RIMS1: variants seen among roughly 807,000 people sequenced by gnomAD.
The protein encoded by RIMS1 is regulating synaptic membrane exocytosis protein 1.
RIMS1 carries 83 observed loss-of-function variants against 214.1 expected under a neutral mutation model. That is an observed-to-expected ratio of 0.39 (90% CI 0.32 to 0.47). The LOEUF is 0.47. Among genes scored for constraint, RIMS1 ranks in the 20% least tolerant of loss-of-function variants. The pLI, the probability that RIMS1 is intolerant of heterozygous loss-of-function variation, is 0.99. For synonymous variants in RIMS1, 793 were observed against 786.8 expected (o/e 1.01, Z -0.13); for missense variants, 2,050 against 2,161.8 (o/e 0.95, Z 1.03).
At position 72,386,820 on chromosome 6, in the gene RIMS1, G is replaced by T. The variant is rs536166808; in HGVS notation, c.4367-3778G>T. 2.2e-4 allele frequency among the ~76,000 whole-genome samples: 31 copies of T among 140,020 alleles called. No individual in the cohort carries two copies. The Admixed American group carries it at 2.3e-3, about 10-fold the overall frequency. The allele number at this position is 140,020 out of a possible 152,430, so 91.9% of individuals were successfully genotyped here. A position where few individuals can be genotyped will look rare whatever the true frequency, so the allele number is the denominator to read the frequency against. ...CCAATCTCTGCTCACTGCAAGCTCC[G>T]CCTTCCAGCTTCACGCCATTCTCCT... On this transcript the variant is annotated intron_variant, in intron 29 of 33. Coordinates refer to ENST00000521978, the MANE Select transcript of RIMS1 (RefSeq NM_014989.7).
At chr6:71,919,658 A>G (rs1457689284) in intron 1 of RIMS1, among the ~76,000 whole-genome samples, 2 of 152,114 alleles carry the variant, frequency 1.3e-5, no homozygotes, top group Non-Finnish European at 2.9e-5. Flanking sequence ...TTCATAGCCT[A>G]TTTACATTAT....
chr6:71,939,043 T>G (rs984782913), intron 1 of RIMS1, among the ~76,000 whole-genome samples: 3 of 152,208 alleles, frequency 2.0e-5, no homozygotes, highest in Non-Finnish European at 4.4e-5. Context: ...TGTTTTGCTG[T>G]TTAGGTATTT....
intron 2 of RIMS1, among the ~76,000 whole-genome samples, chr6:71,980,466 T>G (rs575785199): frequency 1.3e-5 from 2 of 152,202 alleles, no homozygotes; most frequent in South Asian, 4.1e-4. Context: ...GAATATATAG[T>G]CTGATTTGAA....
intron 29 of RIMS1, among the ~76,000 whole-genome samples, chr6:72,374,114 C>G (rs1262412412): frequency 6.6e-6 from 1 of 152,036 alleles, no homozygotes; most frequent in Non-Finnish European, 1.5e-5. Flanking sequence ...GGGGTTTCAG[C>G]GTGTTGGCCA....
intron 6 of RIMS1, among the ~76,000 whole-genome samples, chr6:72,211,345 A>G (rs577927353): frequency 5.8e-4 from 88 of 152,314 alleles, no homozygotes; most frequent in Middle Eastern, 3.4e-3. Flanking sequence ...CCCATAAAGA[A>G]TGAGATGCTA....
At chr6:72,258,344 T>C in intron 17 of RIMS1, 63 bp downstream of exon 17, 6 of 1,410,574 alleles carry the variant, frequency 4.3e-6, no homozygotes, top group Admixed American at 4.3e-5. Context: ...CAGTGTAAAT[T>C]GCTGCAAAAC....
At chr6:72,156,910 A>C (rs1367260668) in intron 4 of RIMS1, among the ~76,000 whole-genome samples, 1 of 140,876 alleles carries the variant, frequency 7.1e-6, no homozygotes, top group East Asian at 2.0e-4. Context: ...ATGCAAGACT[A>C]CCAGATAATC....
chr6:72,366,843 C>A (rs916164904), intron 29 of RIMS1: 1 of 984,868 alleles, frequency 1.0e-6, no homozygotes, highest in Admixed American at 6.2e-5. Context: ...AATGCTGATA[C>A]TTAATTTTTT....
At chr6:72,293,925 T>A (rs1183478800) in intron 26 of RIMS1, among the ~76,000 whole-genome samples, 2 of 151,740 alleles carry the variant, frequency 1.3e-5, no homozygotes, top group Non-Finnish European at 3.0e-5. Context: ...ATATGACAAA[T>A]ACACTAATAA....
At chr6:72,342,796 C>G (rs1165674527) in intron 29 of RIMS1, among the ~76,000 whole-genome samples, 1 of 151,716 alleles carries the variant, frequency 6.6e-6, no homozygotes, top group Non-Finnish European at 1.5e-5. Context: ...GGCGATAATT[C>G]AAGAACACAA....
intron 6 of RIMS1, among the ~76,000 whole-genome samples, chr6:72,206,648 G>A (rs190550161): frequency 4.6e-5 from 7 of 152,294 alleles, no homozygotes; most frequent in Admixed American, 3.9e-4. Flanking sequence ...TTCTAGTTGC[G>A]TATATAGCAT....
At chr6:72,021,101 AAAGTT>A (rs1585055975) in intron 2 of RIMS1, among the ~76,000 whole-genome samples, 2 of 152,220 alleles carry the variant, frequency 1.3e-5, no homozygotes, top group African/African-American at 4.8e-5. Flanking sequence ...TAGATAGATA[AAAGTT>A]AATGATCTTG....
chr6:72,122,164 C>T lies in RIMS1; in HGVS notation c.471+22178C>T, dbSNP rs867199909. Among the ~76,000 whole-genome samples the T allele has an allele frequency of 4.6e-5, 7 of 150,614 alleles. 1 individual carries two copies. Among genetic ancestry groups the T allele is most frequent in the Admixed American group, 6.6e-5 (1 of 15,088 alleles). Reference sequence around the variant, plus strand: ...GGCTTTGGTATCAGGATGTTGCTGGCCTCATAAAATGAGTTAGGGAGGATT... The same window carrying T: ...GGCTTTGGTATCAGGATGTTGCTGGTCTCATAAAATGAGTTAGGGAGGATT... On this transcript the variant is annotated intron_variant, in intron 4 of 33. Coordinates refer to ENST00000521978, the MANE Select transcript of RIMS1 (RefSeq NM_014989.7).
chr6:72,134,763 T>TA (rs1470527956), intron 4 of RIMS1, among the ~76,000 whole-genome samples: 1 of 152,110 alleles, frequency 6.6e-6, no homozygotes, highest in Non-Finnish European at 1.5e-5. Flanking sequence ...TTTGATCACT[T>TA]AGTTTTCAAT....
chr6:72,260,051 G>A (rs142219605), intron 18 of RIMS1, among the ~76,000 whole-genome samples: 188 of 152,146 alleles, frequency 1.2e-3, no homozygotes, highest in Middle Eastern at 3.4e-3. Context: ...TGAGGAATAG[G>A]ATTCCAGACA....
chr6:72,038,899 A>C (rs895518340), intron 2 of RIMS1, among the ~76,000 whole-genome samples: 1 of 152,114 alleles, frequency 6.6e-6, no homozygotes, highest in African/African-American at 2.4e-5. Context: ...GGGCTATAAG[A>C]GTCTTCTTGT....
rs537498415 is a variant in RIMS1, at chr6:71,973,198, G to A, written c.245+4135G>A. On this transcript the variant is annotated intron_variant, in intron 2 of 33. Coordinates refer to ENST00000521978, the MANE Select transcript of RIMS1 (RefSeq NM_014989.7). ...GCTGGGATTACAGGTGTGAGCCACT[G>A]CGCCCGGACAGTAATATGGATTTTA... is the stretch of plus-strand genomic sequence containing the variant. Among the ~76,000 whole-genome samples the A allele has an allele frequency of 3.3e-5, 5 of 152,320 alleles. No individual in the cohort carries two copies. In the East Asian group the frequency reaches 9.6e-4, roughly 29 times the overall value.
At chr6:71,917,133 C>T (rs1050954306) in intron 1 of RIMS1, among the ~76,000 whole-genome samples, 2 of 152,038 alleles carry the variant, frequency 1.3e-5, no homozygotes, top group Non-Finnish European at 2.9e-5. Flanking sequence ...TTACTTACTT[C>T]GTAGGGTTGT....
intron 1 of RIMS1, among the ~76,000 whole-genome samples, chr6:71,895,351 T>C (rs1296309717): frequency 1.3e-5 from 2 of 152,284 alleles, no homozygotes; most frequent in Middle Eastern, 3.4e-3. Flanking sequence ...GTTTTTGTTG[T>C]TTAAACACAG....
Sources: allele counts gnomAD v4.1 joint callset (sites outside exome capture counted in the v4.1 genomes callset), GRCh38; gene constraint gnomAD v4.1.1; transcripts MANE v1.5; gene names NCBI Gene and HGNC (gene_info 2026-07-23, HGNC 2026-07-21).